The following SPATA6 variants were observed in gnomAD, a reference collection of about 807,000 sequenced individuals.
SPATA6 encodes the protein spermatogenesis associated 6.
In SPATA6, 56 loss-of-function variants were observed where a neutral mutation model predicts 65.3. The observed-to-expected ratio is 0.86, with a 90% CI of 0.69 to 1.07. The LOEUF (loss-of-function observed/expected upper bound fraction) is 1.07. Ranked by LOEUF, SPATA6 falls within the 50% of genes least tolerant of loss-of-function variation. The pLI is 0.00. For missense variants in SPATA6, 590 were observed against 594.8 expected (o/e 0.99, Z 0.08); for synonymous variants, 199 against 213.2 (o/e 0.93, Z 0.58).
chr1:48,441,730 A>G (rs1450956832), intron 3 of SPATA6, among the ~76,000 whole-genome samples: 1 of 152,192 alleles, frequency 6.6e-6, no homozygotes, highest in Non-Finnish European at 1.5e-5. Context: ...CTAAGTAAGG[A>G]AACTGATATA....
At chr1:48,438,061 C>A (rs1285407491) in intron 3 of SPATA6, among the ~76,000 whole-genome samples, 1 of 152,118 alleles carries the variant, frequency 6.6e-6, no homozygotes, top group Admixed American at 6.5e-5. Flanking sequence ...CCACCCCAGC[C>A]AGCAGCGGCA....
chr1:48,428,825 GTGTGTATATATA>G (rs1243627965), intron 3 of SPATA6, among the ~76,000 whole-genome samples: 6 of 123,784 alleles, frequency 4.8e-5, no homozygotes, highest in African/African-American at 1.4e-4. Flanking sequence ...GTATATATAT[GTGTGTATATATA>G]TGTGTATATA....
chr1:48,380,229 T>C (rs1648403099), intron 9 of SPATA6, among the ~76,000 whole-genome samples: 1 of 152,354 alleles, frequency 6.6e-6, no homozygotes, highest in Admixed American at 6.5e-5. Context: ...TCCTAAAGTG[T>C]TCTATTACTT....
At chr1:48,438,593 T>C (rs536955264) in intron 3 of SPATA6, among the ~76,000 whole-genome samples, 3 of 152,274 alleles carry the variant, frequency 2.0e-5, no homozygotes, top group South Asian at 4.1e-4. Context: ...TGGTTGGCCC[T>C]GTAGCCATGA....
intron 11 of SPATA6, among the ~76,000 whole-genome samples, chr1:48,341,358 T>C (rs896150761): frequency 1.3e-5 from 2 of 152,156 alleles, no homozygotes; most frequent in African/African-American, 4.8e-5. Flanking sequence ...ATAAGTTTCA[T>C]TCTGAGTAGC....
intron 11 of SPATA6, among the ~76,000 whole-genome samples, chr1:48,333,548 A>T (rs942816389): frequency 3.3e-5 from 5 of 152,190 alleles, no homozygotes; most frequent in African/African-American, 9.6e-5. Context: ...CTGTCCCTCT[A>T]GAGAACCCTG....
chr1:48,438,165 C>A (rs1033031991), intron 3 of SPATA6, among the ~76,000 whole-genome samples: 2 of 152,092 alleles, frequency 1.3e-5, no homozygotes, highest in Non-Finnish European at 2.9e-5. Context: ...TCCATGCCAC[C>A]TTTAAGAGCT....
intron 11 of SPATA6, among the ~76,000 whole-genome samples, chr1:48,331,483 G>A (rs1255740717): frequency 6.6e-6 from 1 of 150,904 alleles, no homozygotes; most frequent in Non-Finnish European, 1.5e-5. Context: ...AGGGCTTGAA[G>A]ACTGGCTTTC....
chr1:48,414,527 T>G (rs1370892151), intron 3 of SPATA6, among the ~76,000 whole-genome samples: 1 of 152,056 alleles, frequency 6.6e-6, no homozygotes, highest in Non-Finnish European at 1.5e-5. Context: ...AATACCCAAC[T>G]ACAGCCATAT....
chr1:48,308,893 C>CT (rs1645128695), intron 11 of SPATA6, among the ~76,000 whole-genome samples: 2 of 151,970 alleles, frequency 1.3e-5, no homozygotes, highest in African/African-American at 2.4e-5. Context: ...TTTCAAAACA[C>CT]TTTTTTTCTA....
At chr1:48,350,837 G>A (rs1349804088) in intron 11 of SPATA6, among the ~76,000 whole-genome samples, 4 of 151,814 alleles carry the variant, frequency 2.6e-5, no homozygotes, top group Non-Finnish European at 5.9e-5. Flanking sequence ...GTTTCAGATC[G>A]TTTTGATTTT....
chr1:48,462,222 A>T (rs1657495949), intron 1 of SPATA6, among the ~76,000 whole-genome samples: 1 of 152,162 alleles, frequency 6.6e-6, no homozygotes, highest in African/African-American at 2.4e-5. Context: ...GAGGGATAGC[A>T]TTAGGAGACA....
chr1:48,469,471 T>C (rs1157944452), intron 1 of SPATA6, among the ~76,000 whole-genome samples: 1 of 21,502 alleles, frequency 4.7e-5, no homozygotes, highest in East Asian at 1.2e-3. Context: ...CAAATATCTA[T>C]TTATATATAT....
chr1:48,282,986 T>C, the SPATA6 span, among the ~76,000 whole-genome samples: 542 of 152,198 alleles, frequency 3.6e-3, 2 homozygotes, highest in Non-Finnish European at 5.1e-3. Flanking sequence ...ATATACACCA[T>C]GGAATCCTAT....
chr1:48,349,301 T>C (rs1170711954), intron 11 of SPATA6, among the ~76,000 whole-genome samples: 4 of 151,954 alleles, frequency 2.6e-5, no homozygotes. Flanking sequence ...CATCTTACAG[T>C]CTACAGAAAA....
intron 7 of SPATA6, among the ~76,000 whole-genome samples, chr1:48,397,830 C>T (rs1650753876): frequency 6.6e-6 from 1 of 151,516 alleles, no homozygotes; most frequent in African/African-American, 2.4e-5. Flanking sequence ...CATTTAAATA[C>T]AAACTTCAAA....
chr1:48,365,156 A>G (rs1441997546), intron 9 of SPATA6, among the ~76,000 whole-genome samples: 3 of 152,082 alleles, frequency 2.0e-5, no homozygotes, highest in South Asian at 4.1e-4. Context: ...CCATTGATCT[A>G]TATCTCTGTT....
chr1:48,385,168 A>T, intron 9 of SPATA6, 141 bp downstream of exon 9: 1 of 765,452 alleles, frequency 1.3e-6, no homozygotes, highest in Non-Finnish European at 1.9e-6. Context: ...AACCAAAATA[A>T]CATTATATGA....
At chr1:48,301,693 G>A (rs563300212) in intron 12 of SPATA6, among the ~76,000 whole-genome samples, 1 of 152,126 alleles carries the variant, frequency 6.6e-6, no homozygotes, top group East Asian at 1.9e-4. Context: ...ATAGACTAAT[G>A]GAACAGAATA....
Sources: allele counts gnomAD v4.1 joint callset (sites outside exome capture counted in the v4.1 genomes callset), GRCh38; gene constraint gnomAD v4.1.1; transcripts MANE v1.5; gene names NCBI Gene and HGNC (gene_info 2026-07-23, HGNC 2026-07-21).